Variants in C9orf43 observed in about 807,000 individuals in gnomAD.
C9orf43 encodes the protein uncharacterized protein C9orf43.
In C9orf43, 45 loss-of-function variants were observed where a neutral mutation model predicts 59.1. That is an observed-to-expected ratio of 0.76 (90% CI 0.60 to 0.98). C9orf43 has a LOEUF of 0.98. Among genes scored for constraint, C9orf43 ranks in the 50% least tolerant of loss-of-function variants. C9orf43 has a pLI of 0.00. For synonymous variants in C9orf43, 203 were observed against 196.8 expected (o/e 1.03, Z -0.26); for missense variants, 533 against 554.9 (o/e 0.96, Z 0.40).
intron 12 of C9orf43, 33 bp from the exon 13 acceptor site, chr9:113,428,867 A>T (rs1310163643): frequency 6.3e-7 from 1 of 1,576,084 alleles, no homozygotes; most frequent in Non-Finnish European, 8.7e-7. Flanking sequence ...TAAAGTCTTG[A>T]TTCAAATTTC....
chr9:113,416,788 C>A (rs1828375034), intron 3 of C9orf43, among the ~76,000 whole-genome samples: 1 of 152,056 alleles, frequency 6.6e-6, no homozygotes, highest in Non-Finnish European at 1.5e-5. Context: ...ACTTCCCTGG[C>A]CTGTACCCAT....
At chr9:113,420,073 A>T (rs1024915595) in intron 4 of C9orf43, among the ~76,000 whole-genome samples, 3 of 152,088 alleles carry the variant, frequency 2.0e-5, no homozygotes, top group African/African-American at 4.8e-5. Context: ...AGAGGATTAG[A>T]TTAAATAATA....
At position 113,422,481 on chromosome 9, in the gene C9orf43, G is replaced by A. The variant is rs181982459; in HGVS notation, c.447-68G>A. The stretch of plus-strand genomic sequence containing the variant: ...TGTTTAAGATATCTGGGAATAAGTT[G>A]TGCTTACTCTTATTTCAAGTCCAGC... On this transcript the variant is annotated intron_variant, in intron 5 of 13. Coordinates refer to ENST00000374165, the MANE Select transcript of C9orf43 (RefSeq NM_001278629.2). The A allele has an allele frequency of 1.5e-5, 24 of 1,582,768 alleles. No individual in the cohort carries two copies. In the African/African-American group the frequency reaches 3.1e-4, roughly 21 times the overall value.
intron 3 of C9orf43, among the ~76,000 whole-genome samples, chr9:113,416,052 C>G (rs1177232890): frequency 1.3e-5 from 2 of 152,212 alleles, no homozygotes; most frequent in African/African-American, 4.8e-5. Flanking sequence ...TGTGAGAGAG[C>G]TGCCTCCTCT....
chr9:113,420,365 T>C (rs1044608133), intron 4 of C9orf43, among the ~76,000 whole-genome samples: 1 of 152,192 alleles, frequency 6.6e-6, no homozygotes, highest in Non-Finnish European at 1.5e-5. Context: ...AGTGCATGAG[T>C]TGTCATGCCT....
chr9:113,424,104 C>T (rs1349593921), intron 7 of C9orf43, 62 bp from the exon 8 acceptor site: 1 of 1,520,690 alleles, frequency 6.6e-7, no homozygotes, highest in South Asian at 1.3e-5. Context: ...TCTCTTTCTC[C>T]TCAGCCATGC....
intron 1 of C9orf43, 67 bp from the exon 2 acceptor site, chr9:113,413,378 A>G (rs561575547): frequency 5.1e-6 from 7 of 1,374,988 alleles, no homozygotes; most frequent in Non-Finnish European, 6.7e-6. Flanking sequence ...CTGTGAGTTC[A>G]AATTAACATC....
In C9orf43 at chr9:113,429,027, T is replaced by G. The variant is rs41276813; in HGVS notation, c.1171+64T>G. ...AGGATAGGGAGAGTTGAACCTGTGT[T>G]GACCAGGATAGTTTACCTCCCTGAA... On this transcript the variant is annotated intron_variant, in intron 13 of 13. Transcript: ENST00000374165. The G allele has an allele frequency of 2.5e-3, 3,859 of 1,536,524 alleles. 13 individuals are homozygous for G. The highest frequency in any genetic ancestry group is 3.3e-3 in the Non-Finnish European group (3,656 of 1,109,392).
At chr9:113,423,992 G>T (rs1039928122) in intron 7 of C9orf43, among the ~76,000 whole-genome samples, 174 bp from the exon 8 acceptor site, 7 of 152,226 alleles carry the variant, frequency 4.6e-5, no homozygotes, top group Admixed American at 2.0e-4. Flanking sequence ...AGTATATGCA[G>T]CTATGATGAT....
At chr9:113,429,067 A>G (rs1828893919) in intron 13 of C9orf43, 104 bp downstream of exon 13, 3 of 1,483,836 alleles carry the variant, frequency 2.0e-6, no homozygotes, top group South Asian at 1.1e-5. Flanking sequence ...CAGTTCCTCT[A>G]TCTCAGAGAA....
rs778907937 is a variant in C9orf43 at position 113,413,679 on chromosome 9, G to A, written c.151+35G>A. 7 of 1,611,406 alleles carry A rather than the reference G, an allele frequency of 4.3e-6. No individual in the cohort carries two copies. The Admixed American group carries it at 8.3e-5, about 19-fold the overall frequency. On this transcript the variant is annotated intron_variant, in intron 2 of 13. Transcript: ENST00000374165. ...CCAGCTTCTGTCCTCTCCCTCACGA[G>A]GTCCTTAACGTATTTATGTATGTGG...
rs1366853401 is a variant in C9orf43 at position 113,413,448 on chromosome 9, A to T, written c.-46A>T. Reference sequence around the variant, plus strand: ...TATGTAGCTGTTGATTTTCCAGAGCACTAGAATGCTGCAGGGTTGGCCTTT... The same window carrying T: ...TATGTAGCTGTTGATTTTCCAGAGCTCTAGAATGCTGCAGGGTTGGCCTTT... On this transcript the variant is annotated 5_prime_UTR_variant, in exon 2 of 14. Transcript: ENST00000374165. The T allele has an allele frequency of 3.8e-6, 6 of 1,587,484 alleles. No individual in the cohort carries two copies. The Admixed American group carries it at 5.1e-5, about 14-fold the overall frequency.
At chr9:113,419,907 ATTC>A (rs1273643816) in intron 4 of C9orf43, among the ~76,000 whole-genome samples, 1 of 152,156 alleles carries the variant, frequency 6.6e-6, no homozygotes, top group Non-Finnish European at 1.5e-5. Flanking sequence ...GAGATTTACT[ATTC>A]TTTGCAGTAC....
intron 3 of C9orf43, among the ~76,000 whole-genome samples, chr9:113,418,191 A>G (rs1186761889): frequency 6.6e-6 from 1 of 152,202 alleles, no homozygotes; most frequent in African/African-American, 2.4e-5. Context: ...ATCATGTCAA[A>G]CAAAAACTGT....
rs776275050 is a variant in C9orf43 at position 113,423,408 on chromosome 9, C to T, written c.566C>T (p.Pro189Leu). ...VGTPGMIVPP[P>L]TPVQLSEQFS... ...ACACCAGGGATGATCGTGCCTCCCCCAACCCCAGTGCAATTGTCTGAACAA... is the reference window on the plus strand; with the variant it reads ...ACACCAGGGATGATCGTGCCTCCCCTAACCCCAGTGCAATTGTCTGAACAA... The change falls in exon 7 of 14, where the codon CCA (proline) becomes CTA (leucine). Residue 189 changes from proline (P) to leucine (L), a missense_variant. Pro to Leu is a moderately conservative substitution (Grantham distance 98). Coordinates refer to ENST00000374165, the MANE Select transcript of C9orf43 (RefSeq NM_001278629.2). 21 of 1,614,046 alleles carry T rather than the reference C, an allele frequency of 1.3e-5. 1 individual carries two copies. In the Admixed American group the frequency reaches 2.7e-4, roughly 20 times the overall value.
intron 7 of C9orf43, among the ~76,000 whole-genome samples, 196 bp from the exon 8 acceptor site, chr9:113,423,970 G>C (rs1335362805): frequency 2.6e-5 from 4 of 152,188 alleles, no homozygotes; most frequent in East Asian, 1.9e-4. Flanking sequence ...GCCTGACATA[G>C]AATCAGCACT....
At chr9:113,421,413 T>A (rs972888066) in intron 5 of C9orf43, among the ~76,000 whole-genome samples, 1 of 151,716 alleles carries the variant, frequency 6.6e-6, no homozygotes, top group African/African-American at 2.4e-5. Context: ...GACTTCTCCA[T>A]ATCAAATTTT....
At chr9:113,422,163 A>C (rs546475468) in intron 5 of C9orf43, among the ~76,000 whole-genome samples, 4 of 152,356 alleles carry the variant, frequency 2.6e-5, no homozygotes, top group South Asian at 4.1e-4. Context: ...GATTTAGTGA[A>C]CCAAATAGAT....
chr9:113,419,736 A>G (rs1194031201), intron 4 of C9orf43, among the ~76,000 whole-genome samples: 1 of 152,210 alleles, frequency 6.6e-6, no homozygotes, highest in Non-Finnish European at 1.5e-5. Flanking sequence ...TGCAGTTTGA[A>G]GAACACTATA....
Sources: gnomAD v4.1 joint callset for allele counts (sites outside exome capture counted in the v4.1 genomes callset) on GRCh38, gnomAD v4.1.1 for gene constraint, MANE v1.5 for transcripts, NCBI Gene and HGNC (gene_info 2026-07-23, HGNC 2026-07-21) for gene names.